EPHB4: variants seen among roughly 807,000 people sequenced by gnomAD.
EPHB4 encodes the protein ephrin type-B receptor 4.
A neutral mutation model predicts 110.6 loss-of-function variants in EPHB4; 50 were observed. The observed-to-expected ratio is 0.45, with a 90% CI of 0.36 to 0.57. The LOEUF (loss-of-function observed/expected upper bound fraction) is 0.57, where lower values mean the gene tolerates loss of function less well. Ranked by LOEUF, EPHB4 falls within the 20% of genes least tolerant of loss-of-function variation. The probability of loss-of-function intolerance (pLI) is 0.00; values close to 1 mark genes in which losing one functional copy is unlikely to be tolerated. For missense variants in EPHB4, 1,128 were observed against 1,382.1 expected, an observed-to-expected ratio of 0.82 and a Z score of 2.91; for synonymous variants, 592 against 578.4, an observed-to-expected ratio of 1.02 and a Z score of -0.34.
At chr7:100,806,312 T>C (rs1030786732) in intron 14 of EPHB4, 108 bp downstream of exon 14, 5 of 1,336,598 alleles carry the variant, frequency 3.7e-6, no homozygotes, top group Non-Finnish European at 5.1e-6. Flanking sequence ...GTCATCTCCA[T>C]GGTCTCAAGA....
Position 100,823,831 on chromosome 7 carries a change from G to C in EPHB4, c.224C>G (p.Thr75Arg). ...RAPGQAHWLRTGWVPRRGAVH... is the reference protein window; with the variant it reads ...RAPGQAHWLRRGWVPRRGAVH... ...GGCGCCCCGCCGTGGGACCCAACCT[G>C]TGCGAAGCCAGTGGGCCTGGCCCGG... The change falls in exon 3 of 17, where the codon ACA becomes AGA. Residue 75 changes from threonine to arginine, a missense_variant. Thr to Arg is a moderately conservative substitution (Grantham distance 71, BLOSUM62 -1). Coordinates refer to ENST00000358173, the MANE Select transcript of EPHB4 (RefSeq NM_004444.5). 6.2e-7 allele frequency: 1 copy of C among 1,613,246 alleles called. No homozygotes were observed. Among genetic ancestry groups the C allele is most frequent in the Non-Finnish European group, 8.5e-7 (1 of 1,179,874 alleles).
intron 1 of EPHB4, 111 bp from the exon 2 acceptor site, chr7:100,824,384 A>G (rs1813319738): frequency 4.2e-6 from 5 of 1,183,858 alleles, no homozygotes; most frequent in African/African-American, 1.5e-5. Flanking sequence ...GAGCTAGAGG[A>G]GTTGGGGGGC....
chr7:100,815,758 G>C (rs73170798), intron 8 of EPHB4, among the ~76,000 whole-genome samples: 14,007 of 152,162 alleles, frequency 0.092, 726 homozygotes, highest in African/African-American at 0.14. Context: ...AGGCCGATGC[G>C]GGAGGATTGC....
In EPHB4 at chr7:100,823,727, T is replaced by G; in HGVS notation, c.328A>C (p.Thr110Pro). The G allele has an allele frequency of 6.2e-7, 1 of 1,613,576 alleles. No homozygotes were observed. The highest frequency in any genetic ancestry group is 8.5e-7 in the Non-Finnish European group (1 of 1,179,954). The change falls in exon 3 of 17, where the codon ACC (threonine) becomes CCC (proline). Residue 110 changes from threonine to proline, a missense_variant. Around this residue, in one of 3 missense-constraint regions of EPHB4, gnomAD observed 728 missense variants for 828.6 expected, o/e 0.88. Coordinates refer to ENST00000358173, the MANE Select transcript of EPHB4 (RefSeq NM_004444.5). ...LPRAGRSCKE[T>P]FTVFYYESDA... ...CTCTCATAGTAGAAGACGGTGAAGG[T>G]CTCCTTGCAGGAGCGCCCAGCCCGA...
chr7:100,807,705 C>T, intron 12 of EPHB4, 125 bp from the exon 13 acceptor site: 1 of 924,726 alleles, frequency 1.1e-6, no homozygotes, highest in South Asian at 1.7e-5. Flanking sequence ...GCAGTGGTGC[C>T]ATCATAGCTC....
chr7:100,813,431 TCAGC>T, intron 10 of EPHB4: 1 of 642,314 alleles, frequency 1.6e-6, no homozygotes, highest in Non-Finnish European at 2.7e-6. Context: ...TTCTTCTGCC[TCAGC>T]CTCCTGAGTA....
chr7:100,806,816 G>A (rs564944166), intron 13 of EPHB4, among the ~76,000 whole-genome samples: 16 of 152,166 alleles, frequency 1.1e-4, no homozygotes, highest in South Asian at 2.1e-4. Context: ...GATTACAGGC[G>A]TGTACCACCA....
chr7:100,827,034 G>T lies in EPHB4; in HGVS notation c.-4C>A. The T allele has an allele frequency of 1.3e-6, 2 of 1,581,382 alleles. No homozygotes were observed. Among genetic ancestry groups the T allele is most frequent in the East Asian group, 2.3e-5 (1 of 42,622 alleles). ...AGAGCAGCACCCGGAGCTCCATGGCGCCGCCTCACTCGGGTAGGATCCGAA... is the reference window on the plus strand; with the variant it reads ...AGAGCAGCACCCGGAGCTCCATGGCTCCGCCTCACTCGGGTAGGATCCGAA... On this transcript the variant is annotated 5_prime_UTR_variant, in exon 1 of 17. Coordinates refer to ENST00000358173, the MANE Select transcript of EPHB4 (RefSeq NM_004444.5).
At chr7:100,818,807 ATTC>A (rs781186774) in intron 6 of EPHB4, among the ~76,000 whole-genome samples, 163 bp from the exon 7 acceptor site, 31 of 152,060 alleles carry the variant, frequency 2.0e-4, no homozygotes, top group Admixed American at 5.9e-4. Context: ...GGTTCAAGCA[ATTC>A]TTCTGGTTGC....
Position 100,824,268 on chromosome 7 carries a change from G to C in EPHB4, c.58C>G (p.Leu20Val). The change falls in exon 2 of 17, where the codon CTG becomes GTG. Residue 20 changes from leucine (L) to valine (V), a missense_variant. Around this residue, in one of 3 missense-constraint regions of EPHB4, gnomAD observed 728 missense variants for 828.6 expected, o/e 0.88. Coordinates refer to ENST00000358173, the MANE Select transcript of EPHB4 (RefSeq NM_004444.5). ...GCAGTTTCCAATTTTGTGTTCAGCA[G>C]GGTCTCTGAGACAGACAGAGAGACA... ...ASLAAALEET[L>V]LNTKLETADL... The C allele has an allele frequency of 3.1e-6, 5 of 1,614,116 alleles. No homozygotes were observed. The African/African-American group carries it at 5.3e-5, about 17-fold the overall frequency.
intron 6 of EPHB4, 38 bp downstream of exon 6, chr7:100,819,519 C>T (rs1215039827): frequency 6.5e-7 from 1 of 1,528,704 alleles, no homozygotes. Flanking sequence ...GACATCTCTC[C>T]CGCCAGACCA....
chr7:100,802,672 C>T lies in EPHB4; in HGVS notation c.*789G>A, dbSNP rs187750973. On this transcript the variant is annotated 3_prime_UTR_variant, in exon 17 of 17. Transcript: ENST00000358173. ...AGCACCGGCGTCCGTTTCTGGGTTC[C>T]ACCACCAACTACCGCCCTTTTCACT... 1 of 152,240 alleles carries T rather than the reference C, an allele frequency of 6.6e-6. No homozygotes were observed. Among genetic ancestry groups the T allele is most frequent in the East Asian group, 1.9e-4 (1 of 5,178 alleles). 9.4% of individuals were successfully genotyped at this position (152,240 alleles called of 1,614,324 possible).
chr7:100,806,629 C>T, intron 13 of EPHB4, 60 bp from the exon 14 acceptor site: 1 of 1,551,850 alleles, frequency 6.4e-7, no homozygotes, highest in Non-Finnish European at 8.7e-7. Context: ...CCAGACCCAG[C>T]ACACTGCCCC....
intron 3 of EPHB4, among the ~76,000 whole-genome samples, chr7:100,823,144 T>C (rs548398630): frequency 6.6e-6 from 1 of 151,350 alleles, no homozygotes; most frequent in East Asian, 2.0e-4. Context: ...AAAAGAAAAA[T>C]AAATAAAGTA....
At chr7:100,818,373 C>G (rs994344895) in intron 7 of EPHB4, 147 bp downstream of exon 7, 2 of 1,198,422 alleles carry the variant, frequency 1.7e-6, no homozygotes, top group African/African-American at 1.5e-5. Flanking sequence ...GAGGCTCAGA[C>G]AGGCCAAGGG....
chr7:100,823,322 T>A (rs314309), intron 3 of EPHB4, among the ~76,000 whole-genome samples: 1 of 151,706 alleles, frequency 6.6e-6, no homozygotes, highest in Non-Finnish European at 1.5e-5. Context: ...TGCAAAGTCT[T>A]GAGCTGGAAA....
chr7:100,823,898 G>A lies in EPHB4; in HGVS notation c.157C>T (p.His53Tyr). ...CACACTTCGTAGGTGCGCACGCTGT[G>A]CTGTTCCTCATCCAGGCCGCTCAGT... ...EELSGLDEEQ[H>Y]SVRTYEVCDV... Residue 53 changes from histidine to tyrosine, a missense_variant, in exon 3 of 17, where the codon CAC becomes TAC. His to Tyr is a moderately conservative substitution (Grantham distance 83, BLOSUM62 2). Around this residue, in one of 3 missense-constraint regions of EPHB4, gnomAD observed 728 missense variants for 828.6 expected, o/e 0.88. Coordinates refer to ENST00000358173, the MANE Select transcript of EPHB4 (RefSeq NM_004444.5). The A allele has an allele frequency of 2.5e-6, 4 of 1,602,976 alleles. No homozygotes were observed. Among genetic ancestry groups the A allele is most frequent in the African/African-American group, 1.3e-5 (1 of 74,864 alleles).
intron 12 of EPHB4, among the ~76,000 whole-genome samples, chr7:100,812,103 C>T (rs1015685800): frequency 1.3e-5 from 2 of 150,166 alleles, no homozygotes; most frequent in African/African-American, 4.9e-5. Flanking sequence ...ACCTGGGAGG[C>T]GGAGGTTGCG....
Position 100,822,705 on chromosome 7 carries a change from C to A in EPHB4, c.412-38G>T. 1 of 1,496,376 alleles carries A rather than the reference C, an allele frequency of 6.7e-7. No individual in the cohort carries two copies. Among genetic ancestry groups the A allele is most frequent in the East Asian group, 2.4e-5 (1 of 41,610 alleles). The allele number at this position is 1,496,376 out of a possible 1,614,324, so 92.7% of individuals were successfully genotyped here. On this transcript the variant is annotated intron_variant, in intron 3 of 16. Coordinates refer to ENST00000358173, the MANE Select transcript of EPHB4 (RefSeq NM_004444.5). The surrounding 1 kb of genome is among the most constrained non-coding windows in gnomAD (Gnocchi z 4.7). Reference sequence around the variant, plus strand: ...GGGAGGCACACCGCTGCTGTCCCCACTCCCTGAGGACCCAGCGGACTGTTG... The same window carrying A: ...GGGAGGCACACCGCTGCTGTCCCCAATCCCTGAGGACCCAGCGGACTGTTG...
Sources: gnomAD v4.1 joint callset for allele counts (sites outside exome capture counted in the v4.1 genomes callset) on GRCh38, gnomAD v4.1.1 for gene constraint, gnomAD v4.1.1 regional missense constraint, Gnocchi (gnomAD v3.1) non-coding constraint, MANE v1.5 for transcripts, NCBI Gene and HGNC (gene_info 2026-07-23, HGNC 2026-07-21) for gene names.